The following ANO2 variants were observed in gnomAD, a reference collection of about 807,000 sequenced individuals.
ANO2 encodes the protein anoctamin 2, also known as anoctamin-2.
A neutral mutation model predicts 124.2 loss-of-function variants in ANO2; 101 were observed. The ratio of observed to expected loss-of-function variants is 0.81; its 90% CI spans 0.69 to 0.96. The LOEUF (loss-of-function observed/expected upper bound fraction) is 0.96, where lower values mean the gene tolerates loss of function less well. Among genes scored for constraint, ANO2 ranks in the 40% least tolerant of loss-of-function variants. The pLI, the probability that ANO2 is intolerant of heterozygous loss-of-function variation, is 0.00. For synonymous variants in ANO2, 486 were observed against 482.5 expected, an observed-to-expected ratio of 1.01 and a Z score of -0.09; for missense variants, 1,293 against 1,274.5, an observed-to-expected ratio of 1.01 and a Z score of -0.22.
At position 5,615,044 on chromosome 12, in the gene ANO2, A is replaced by G. The variant is rs1242239648; in HGVS notation, c.1928+142T>C. ...GATTGCCTGCTAACATTCCTTCTCC[A>G]TGGGAAGGCAGGTGAAAGTGGGGCG... is the stretch of plus-strand genomic sequence containing the variant. On this transcript the variant is annotated intron_variant, in intron 17 of 24. Transcript: ENST00000682330. 45 of 591,884 alleles carry G rather than the reference A, an allele frequency of 7.6e-5. No homozygotes were observed. In the Admixed American group the frequency reaches 1.3e-3, roughly 17 times the overall value. The allele number at this position is 591,884 out of a possible 1,614,324, so 36.7% of individuals were successfully genotyped here.
chr12:5,650,233 G>C (rs148493077), intron 14 of ANO2, among the ~76,000 whole-genome samples: 64 of 152,270 alleles, frequency 4.2e-4, no homozygotes, highest in Non-Finnish European at 7.4e-4. Flanking sequence ...ACAAGGAAAA[G>C]CACTTCTAAG....
Position 5,612,929 on chromosome 12 carries a change from T to G in ANO2, c.1958A>C (p.Tyr653Ser). The change falls in exon 18 of 25, where the codon TAT (tyrosine) becomes TCT (serine). Residue 653 changes from tyrosine to serine, a missense_variant. Physicochemically the swap from Tyr to Ser is moderately radical, Grantham distance 144 (BLOSUM62 -2). Transcript: ENST00000682330. ...RFVGRPGSYVYVFDGYRMEEC... is the reference protein window; with the variant it reads ...RFVGRPGSYVSVFDGYRMEEC... ...TTCCATGCGGTAACCATCGAATACA[T>G]AGACGTAGCTTCCAGGCCTGCCCAC... 6.2e-7 allele frequency: 1 copy of G among 1,613,888 alleles called. No homozygotes were observed. Among genetic ancestry groups the G allele is most frequent in the Non-Finnish European group, 8.5e-7 (1 of 1,179,852 alleles).
chr12:5,613,094 A>G (rs575875855), intron 17 of ANO2, 136 bp from the exon 18 acceptor site: 16 of 805,462 alleles, frequency 2.0e-5, no homozygotes, highest in Admixed American at 1.2e-4. Flanking sequence ...TAGATCACTC[A>G]GGGATAGGAG....
At chr12:5,712,817 A>T (rs555234317) in intron 14 of ANO2, among the ~76,000 whole-genome samples, 19 of 152,308 alleles carry the variant, frequency 1.2e-4, no homozygotes, top group South Asian at 2.1e-4. Context: ...GCATGTGCAC[A>T]GCCACCAACG....
intron 7 of ANO2, among the ~76,000 whole-genome samples, chr12:5,813,024 A>G (rs1202079007): frequency 6.7e-6 from 1 of 149,098 alleles, no homozygotes; most frequent in African/African-American, 2.5e-5. Flanking sequence ...GAGAAAGAAA[A>G]AAAGAAAGAG....
chr12:5,762,599 G>A (rs925425906), intron 10 of ANO2, among the ~76,000 whole-genome samples: 1 of 151,814 alleles, frequency 6.6e-6, no homozygotes, highest in Non-Finnish European at 1.5e-5. Flanking sequence ...TTACTTAAAG[G>A]TTGTTTCAGA....
chr12:5,572,947 G>A (rs971590823), intron 23 of ANO2, among the ~76,000 whole-genome samples: 7 of 152,162 alleles, frequency 4.6e-5, no homozygotes, highest in South Asian at 2.1e-4. Flanking sequence ...ATAGCTGGCC[G>A]GAAAATCCAG....
intron 20 of ANO2, among the ~76,000 whole-genome samples, chr12:5,588,251 G>A (rs1444775955): frequency 2.0e-5 from 3 of 147,728 alleles, no homozygotes; most frequent in Admixed American, 6.7e-5. Context: ...CACCAGAGGC[G>A]GGGGGCAGCT....
intron 14 of ANO2, among the ~76,000 whole-genome samples, chr12:5,712,268 T>C (rs1191606903): frequency 2.0e-5 from 3 of 151,822 alleles, no homozygotes; most frequent in Non-Finnish European, 4.4e-5. Flanking sequence ...CAGGAACCTG[T>C]GAATACGACC....
At chr12:5,818,450 TATATATATATATATATATATATATATA>T (rs1953679893) in intron 7 of ANO2, among the ~76,000 whole-genome samples, 1 of 1,210 alleles carries the variant, frequency 8.3e-4, no homozygotes, top group African/African-American at 1.1e-3. Context: ...ACTCATATTA[TATATATATATATATATATATATATATA>T]TATATATATA....
chr12:5,664,030 A>T lies in ANO2; in HGVS notation c.1546-16229T>A, dbSNP rs577291023. Among the ~76,000 whole-genome samples the T allele has an allele frequency of 2.5e-4, 38 of 152,338 alleles. No individual in the cohort carries two copies. In the Middle Eastern group the frequency reaches 0.01, roughly 41 times the overall value. On this transcript the variant is annotated intron_variant, in intron 14 of 24. Transcript: ENST00000682330. ...ATAGCCATGGCCAGGATATTATGGA[A>T]GCATGGTGGAAGAGCTTCTAAATTT... is the stretch of plus-strand genomic sequence containing the variant.
At chr12:5,669,263 G>A (rs1268160186) in intron 14 of ANO2, among the ~76,000 whole-genome samples, 2 of 151,892 alleles carry the variant, frequency 1.3e-5, no homozygotes, top group Non-Finnish European at 2.9e-5. Flanking sequence ...ACTTCCCTTT[G>A]TTAGCTGTAT....
In ANO2 at chr12:5,854,130, C is replaced by CT; in HGVS notation, c.545dup (p.Ser184IlefsTer90). The CT allele has an allele frequency of 6.2e-7, 1 of 1,613,198 alleles. No individual in the cohort carries two copies. The highest frequency in any genetic ancestry group is 1.1e-5 in the South Asian group (1 of 91,068). On this transcript the variant is annotated frameshift_variant, in exon 4 of 25. Transcript: ENST00000682330. LOFTEE classifies it high-confidence loss of function. Reference sequence around the variant, plus strand: ...CGTGTATCCGGACAAAGATGGATCCCTGGCTTTTATTCTGCAAGGTACAAA... The same window carrying CT: ...CGTGTATCCGGACAAAGATGGATCCCTTGGCTTTTATTCTGCAAGGTACAAA...
At chr12:5,626,322 C>A (rs991636656) in intron 16 of ANO2, among the ~76,000 whole-genome samples, 2 of 151,980 alleles carry the variant, frequency 1.3e-5, no homozygotes, top group Admixed American at 6.6e-5. Flanking sequence ...CCTGGAGATG[C>A]GGGTGGAGGT....
At chr12:5,718,355 C>T (rs574228461) in intron 14 of ANO2, among the ~76,000 whole-genome samples, 88 of 152,310 alleles carry the variant, frequency 5.8e-4, no homozygotes, top group East Asian at 7.7e-4. Context: ...AACAGAAGTG[C>T]CCAAGGCACA....
intron 7 of ANO2, 142 bp downstream of exon 7, chr12:5,827,627 C>T: frequency 9.8e-7 from 1 of 1,020,428 alleles, no homozygotes; most frequent in Non-Finnish European, 1.5e-6. Flanking sequence ...AGGCAGGCTT[C>T]TCAGCCCAAG....
At chr12:5,855,944 C>T (rs1022452599) in intron 3 of ANO2, among the ~76,000 whole-genome samples, 2 of 152,166 alleles carry the variant, frequency 1.3e-5, no homozygotes, top group African/African-American at 4.8e-5. Flanking sequence ...GAAACCTTCC[C>T]AATCCCAAGT....
At chr12:5,938,393 AT>A (rs568240329) in intron 1 of ANO2, among the ~76,000 whole-genome samples, 6 of 152,132 alleles carry the variant, frequency 3.9e-5, no homozygotes, top group Admixed American at 1.3e-4. Context: ...TGATCTACAT[AT>A]TTTTTTCCAG....
intron 16 of ANO2, among the ~76,000 whole-genome samples, chr12:5,617,683 C>T (rs112942849): frequency 0.01 from 1,527 of 152,152 alleles, 28 homozygotes; most frequent in African/African-American, 0.035. Context: ...TCGTACCGCA[C>T]TCTCCAGATA....
Sources: gnomAD v4.1 joint callset for allele counts (sites outside exome capture counted in the v4.1 genomes callset) on GRCh38, gnomAD v4.1.1 for gene constraint, MANE v1.5 for transcripts, NCBI Gene and HGNC (gene_info 2026-07-23, HGNC 2026-07-21) for gene names.